PHACTR2: variants seen among roughly 807,000 people sequenced by gnomAD.
The protein encoded by PHACTR2 is phosphatase and actin regulator 2, also known as chromosome 6 open reading frame 56.
A neutral mutation model predicts 76.0 loss-of-function variants in PHACTR2; 30 were observed. The ratio of observed to expected loss-of-function variants is 0.39; its 90% CI spans 0.30 to 0.54. The LOEUF is 0.54. Among genes scored for constraint, PHACTR2 ranks in the 20% least tolerant of loss-of-function variants. PHACTR2 has a pLI of 0.61. For missense variants in PHACTR2, 696 were observed against 781.1 expected, an observed-to-expected ratio of 0.89 and a Z score of 1.30; for synonymous variants, 292 against 292.5, an observed-to-expected ratio of 1.00 and a Z score of 0.02.
chr6:143,723,802 T>C (rs1430792214), intron 2 of PHACTR2, among the ~76,000 whole-genome samples: 1 of 152,090 alleles, frequency 6.6e-6, no homozygotes, highest in Non-Finnish European at 1.5e-5. Flanking sequence ...AGCACATCAA[T>C]TCTCCCTCTC....
Position 143,754,104 on chromosome 6 carries a change from T to C in PHACTR2, c.454+192T>C. 2.5e-6 allele frequency: 1 copy of C among 400,244 alleles called. No homozygotes were observed. Among genetic ancestry groups the C allele is most frequent in the East Asian group, 3.8e-5 (1 of 26,138 alleles). The allele number at this position is 400,244 out of a possible 1,614,324, so 24.8% of individuals were successfully genotyped here. A position where few individuals can be genotyped will look rare whatever the true frequency, so the allele number is the denominator to read the frequency against. ...TTCTCAGGTAGATGCATCCATTTTATAAGCACAGTATTTGTTTTTTCAATT... is the reference window on the plus strand; with the variant it reads ...TTCTCAGGTAGATGCATCCATTTTACAAGCACAGTATTTGTTTTTTCAATT... On this transcript the variant is annotated intron_variant, in intron 4 of 12. Transcript: ENST00000440869. The surrounding 1 kb of genome is among the most constrained non-coding windows in gnomAD (Gnocchi z 6.2).
rs141257014 is a variant in PHACTR2 at position 143,783,196 on chromosome 6, G to C, written c.1646-23G>C. The C allele has an allele frequency of 6.5e-7, 1 of 1,533,146 alleles. No homozygotes were observed. 95.0% of individuals were successfully genotyped at this position (1,533,146 alleles called of 1,614,324 possible). A position where few individuals can be genotyped will look rare whatever the true frequency, so the allele number is the denominator to read the frequency against. ...AATCATCTATAGTAACTGTCATCAC[G>C]ACTTTCCTCCTTTAATAAACAGAAA... is the stretch of plus-strand genomic sequence containing the variant. On this transcript the variant is annotated intron_variant, in intron 9 of 12. Transcript: ENST00000440869. The surrounding 1 kb of genome is among the most constrained non-coding windows in gnomAD (Gnocchi z 5.2).
Position 143,821,203 on chromosome 6 carries a change from C to G in PHACTR2, c.1923-2471C>G, listed in dbSNP as rs896013871. On this transcript the variant is annotated intron_variant, in intron 12 of 12. Coordinates refer to ENST00000440869, the MANE Select transcript of PHACTR2 (RefSeq NM_001100164.2). This position sits in a 1 kb window ranked among gnomAD's most constrained non-coding sequence, Gnocchi z 5.2. Reference sequence around the variant, plus strand: ...GTTACAGTCAGGGATAGACTAAGAACAGAACTCAAAGTGGACACATTCCTG... The same window carrying G: ...GTTACAGTCAGGGATAGACTAAGAAGAGAACTCAAAGTGGACACATTCCTG... Among the ~76,000 whole-genome samples the G allele has an allele frequency of 1.3e-5, 2 of 152,236 alleles. No homozygotes were observed. Among genetic ancestry groups the G allele is most frequent in the African/African-American group, 4.8e-5 (2 of 41,462 alleles).
chr6:143,723,733 G>A (rs566715883), intron 2 of PHACTR2, among the ~76,000 whole-genome samples: 3 of 151,882 alleles, frequency 2.0e-5, no homozygotes, highest in Non-Finnish European at 4.4e-5. Context: ...ACACTGGGTC[G>A]GAGTCTCTGG....
rs918445694 is a variant in PHACTR2 at position 143,793,628 on chromosome 6, C to G, written c.1845+4718C>G. ...TCTTTTAAATAGAAAAAATATTGGC[C>G]AGGCATGGTGGCTCATGCCTGTAAT... is the stretch of plus-strand genomic sequence containing the variant. On this transcript the variant is annotated intron_variant, in intron 11 of 12. Transcript: ENST00000440869. The surrounding 1 kb of genome is among the most constrained non-coding windows in gnomAD (Gnocchi z 4.4). Among the ~76,000 whole-genome samples, 2 of 151,986 alleles carry G rather than the reference C, an allele frequency of 1.3e-5. No individual in the cohort carries two copies. Among genetic ancestry groups the G allele is most frequent in the African/African-American group, 2.4e-5 (1 of 41,374 alleles).
rs145014844 is a variant in PHACTR2 at position 143,825,799 on chromosome 6, AT to A, written c.*2114del. 1,984 of 152,276 alleles carry A rather than the reference AT, an allele frequency of 0.013. 42 individuals carry two copies. The highest frequency in any genetic ancestry group is 0.045 in the African/African-American group (1,887 of 41,548). 9.4% of individuals were successfully genotyped at this position (152,276 alleles called of 1,614,324 possible). A position where few individuals can be genotyped will look rare whatever the true frequency, so the allele number is the denominator to read the frequency against. On this transcript the variant is annotated 3_prime_UTR_variant, in exon 13 of 13. Transcript: ENST00000440869. The surrounding 1 kb of genome is among the most constrained non-coding windows in gnomAD (Gnocchi z 4.1). Reference sequence around the variant, plus strand: ...ATAATGGTAAATGTAAGACATCACCATTTTATCACTCAAAGTATGTTATTGA... The same window carrying A: ...ATAATGGTAAATGTAAGACATCACCATTTATCACTCAAAGTATGTTATTGA...
At position 143,777,103 on chromosome 6, in the gene PHACTR2, G is replaced by T. The variant is rs1024793241; in HGVS notation, c.1590-225G>T. ...CAGGTACCTAGCTAACATCCAGGCC[G>T]CTCTGTTGCTAAAAGGAAAGGAGAC... On this transcript the variant is annotated intron_variant, in intron 8 of 12. Transcript: ENST00000440869. The surrounding 1 kb of genome is among the most constrained non-coding windows in gnomAD (Gnocchi z 4.6). 6.6e-6 allele frequency among the ~76,000 whole-genome samples: 1 copy of T among 152,188 alleles called. No homozygotes were observed. Among genetic ancestry groups the T allele is most frequent in the African/African-American group, 2.4e-5 (1 of 41,532 alleles).
At chr6:143,552,391 T>C (rs909852519) in intron 1 of PHACTR2, among the ~76,000 whole-genome samples, 1 of 151,378 alleles carries the variant, frequency 6.6e-6, no homozygotes, top group African/African-American at 2.4e-5. Context: ...ACTGAGGGAG[T>C]AGGAGTTGAA....
intron 1 of PHACTR2, among the ~76,000 whole-genome samples, chr6:143,568,760 G>A (rs554532558): frequency 9.2e-5 from 14 of 152,306 alleles, no homozygotes; most frequent in African/African-American, 2.4e-4. Flanking sequence ...AGCTTAGCAC[G>A]TCCCTTATAC....
At chr6:143,802,410 C>T (rs531534581) in intron 11 of PHACTR2, among the ~76,000 whole-genome samples, 11 of 151,802 alleles carry the variant, frequency 7.2e-5, no homozygotes, top group Admixed American at 3.9e-4. Context: ...TAGGCCAAGG[C>T]GGGAGGATTG....
chr6:143,612,202 T>G (rs2128437957), intron 1 of PHACTR2, among the ~76,000 whole-genome samples: 1 of 152,350 alleles, frequency 6.6e-6, no homozygotes, highest in Middle Eastern at 3.4e-3. Flanking sequence ...TTTCAAATGC[T>G]TCATCTTTTT....
intron 11 of PHACTR2, among the ~76,000 whole-genome samples, chr6:143,798,646 T>C (rs1775885113): frequency 1.3e-5 from 2 of 152,236 alleles, no homozygotes. Flanking sequence ...GAGATAATCA[T>C]GTGGTTTTTG....
chr6:143,646,744 C>T lies in PHACTR2; in HGVS notation c.13+38422C>T, dbSNP rs1776664767. Among the ~76,000 whole-genome samples the T allele has an allele frequency of 6.6e-6, 1 of 152,130 alleles. No homozygotes were observed. The highest frequency in any genetic ancestry group is 6.5e-5 in the Admixed American group (1 of 15,276). On this transcript the variant is annotated intron_variant, in intron 1 of 11. Transcript: ENST00000305766. The surrounding 1 kb of genome is among the most constrained non-coding windows in gnomAD (Gnocchi z 4.1). Reference sequence around the variant, plus strand: ...CTCCACATGTTTCTCATGGAATTTCCCCCAAGCACTACTCTCTGAAGAGCC... The same window carrying T: ...CTCCACATGTTTCTCATGGAATTTCTCCCAAGCACTACTCTCTGAAGAGCC...
At chr6:143,575,932 T>A (rs1052150657) in intron 1 of PHACTR2, among the ~76,000 whole-genome samples, 25 of 152,318 alleles carry the variant, frequency 1.6e-4, no homozygotes, top group African/African-American at 5.8e-4. Context: ...ATTTTTGAAG[T>A]TTTTTAGAAA....
intron 11 of PHACTR2, among the ~76,000 whole-genome samples, chr6:143,799,938 T>G (rs1775914849): frequency 6.6e-6 from 1 of 152,208 alleles, no homozygotes; most frequent in Non-Finnish European, 1.5e-5. Flanking sequence ...GATATCCTTG[T>G]TAATTTTCTG....
rs910305740 is a variant in PHACTR2 at position 143,618,442 on chromosome 6, G to T, written c.13+10120G>T. The stretch of plus-strand genomic sequence containing the variant: ...ATATATGCTTTCTAATAGAAACAGC[G>T]CAATTTAGTAAAACCATCTTTTACA... On this transcript the variant is annotated intron_variant, in intron 1 of 11. Coordinates refer to the PHACTR2 transcript ENST00000305766. This position sits in a 1 kb window ranked among gnomAD's most constrained non-coding sequence, Gnocchi z 5.2. Among the ~76,000 whole-genome samples the T allele has an allele frequency of 6.6e-6, 1 of 152,104 alleles. No homozygotes were observed. The highest frequency in any genetic ancestry group is 2.1e-4 in the South Asian group (1 of 4,828).
rs896940886 is a variant in PHACTR2 at position 143,580,440 on chromosome 6, G to A, written c.217+43233G>A. 6.6e-6 allele frequency among the ~76,000 whole-genome samples: 1 copy of A among 152,048 alleles called. No individual in the cohort carries two copies. The highest frequency in any genetic ancestry group is 1.5e-5 in the Non-Finnish European group (1 of 67,994). On this transcript the variant is annotated intron_variant, in intron 1 of 11. Transcript: ENST00000367584. This position sits in a 1 kb window ranked among gnomAD's most constrained non-coding sequence, Gnocchi z 4.2. ...GCGGGGCTTGCAGTGAGCCGAGATC[G>A]TGCCACTGCACTCCAGCCTGGGCGA...
chr6:143,758,002 T>C (rs1284430521), intron 4 of PHACTR2, among the ~76,000 whole-genome samples: 1 of 151,700 alleles, frequency 6.6e-6, no homozygotes, highest in Non-Finnish European at 1.5e-5. Flanking sequence ...ACTTAAGAAT[T>C]ACCAGAATGA....
At chr6:143,746,333 T>G (rs556712525) in intron 2 of PHACTR2, among the ~76,000 whole-genome samples, 5 of 152,304 alleles carry the variant, frequency 3.3e-5, no homozygotes, top group African/African-American at 1.2e-4. Context: ...ATTTTGTGTT[T>G]TGGGCAATTT....
Sources: gnomAD v4.1 joint callset for allele counts (sites outside exome capture counted in the v4.1 genomes callset) on GRCh38, gnomAD v4.1.1 for gene constraint, Gnocchi (gnomAD v3.1) non-coding constraint, MANE v1.5 for transcripts, NCBI Gene and HGNC (gene_info 2026-07-23, HGNC 2026-07-21) for gene names.